Variants in NDUFAF2 observed in about 807,000 individuals in gnomAD.
NDUFAF2 encodes the protein NADH dehydrogenase [ubiquinone] 1 alpha subcomplex assembly factor 2.
Under a neutral mutation model 22.8 loss-of-function variants are expected in NDUFAF2, and 13 were observed. The ratio of observed to expected loss-of-function variants is 0.57; its 90% CI spans 0.37 to 0.91. The LOEUF is 0.91. NDUFAF2 is among the 40% of genes least tolerant of loss of function. The probability of loss-of-function intolerance (pLI) is 0.01; values close to 1 mark genes in which losing one functional copy is unlikely to be tolerated. For synonymous variants in NDUFAF2, 53 were observed against 64.2 expected, an observed-to-expected ratio of 0.83 and a Z score of 0.84; for missense variants, 162 against 195.2, an observed-to-expected ratio of 0.83 and a Z score of 1.01.
intron 3 of NDUFAF2, among the ~76,000 whole-genome samples, chr5:61,142,367 CA>C (rs1741072432): frequency 6.6e-6 from 1 of 151,970 alleles, no homozygotes; most frequent in South Asian, 2.1e-4. Context: ...GGCTCAGGTT[CA>C]AAGAAAGAAA....
intron 3 of NDUFAF2, chr5:61,115,389 C>T (rs2112365): frequency 0.52 from 79,388 of 151,944 alleles, 21,988 homozygotes; most frequent in East Asian, 0.91. Flanking sequence ...CCCAGGAGAC[C>T]GCTTGATGCT....
intron 1 of NDUFAF2, among the ~76,000 whole-genome samples, chr5:61,071,100 G>A (rs1282089105): frequency 1.3e-5 from 2 of 152,094 alleles, no homozygotes; most frequent in Non-Finnish European, 2.9e-5. Context: ...AATGTAAATA[G>A]CATTTTAGTA....
At chr5:61,147,456 T>TTTTTTTTTTTTTTTTTA (rs1579854566) in intron 3 of NDUFAF2, among the ~76,000 whole-genome samples, 2 of 145,186 alleles carry the variant, frequency 1.4e-5, no homozygotes, top group Admixed American at 7.0e-5. Flanking sequence ...TTTTTTTTTG[T>TTTTTTTTTTTTTTTTTA]AGCAACAGGG....
intron 1 of NDUFAF2, among the ~76,000 whole-genome samples, chr5:61,060,662 A>G (rs1580117583): frequency 6.6e-6 from 1 of 152,064 alleles, no homozygotes; most frequent in South Asian, 2.1e-4. Flanking sequence ...GAAGTATGTC[A>G]CCTCACTCAG....
At chr5:61,003,504 G>T (rs904820261) in intron 1 of NDUFAF2, among the ~76,000 whole-genome samples, 2 of 151,842 alleles carry the variant, frequency 1.3e-5, no homozygotes. Flanking sequence ...TATCCTTGGG[G>T]CATCATGATT....
intron 1 of NDUFAF2, among the ~76,000 whole-genome samples, chr5:61,052,108 A>G (rs1580113904): frequency 6.7e-6 from 1 of 148,290 alleles, no homozygotes; most frequent in African/African-American, 2.4e-5. Flanking sequence ...TTATATAATT[A>G]CCCCACTAGA....
intron 1 of NDUFAF2, among the ~76,000 whole-genome samples, chr5:61,023,906 A>G (rs992989266): frequency 2.0e-5 from 3 of 152,166 alleles, no homozygotes; most frequent in African/African-American, 4.8e-5. Flanking sequence ...TTAAAGGTGT[A>G]TGTCCAAGCA....
At chr5:61,004,909 G>A (rs1243888690) in intron 1 of NDUFAF2, among the ~76,000 whole-genome samples, 2 of 151,130 alleles carry the variant, frequency 1.3e-5, no homozygotes, top group Non-Finnish European at 3.0e-5. Context: ...AACAGGGCTT[G>A]TAAATTTATT....
At chr5:61,127,152 C>T (rs1168838547) in intron 3 of NDUFAF2, among the ~76,000 whole-genome samples, 1 of 152,048 alleles carries the variant, frequency 6.6e-6, no homozygotes, top group Non-Finnish European at 1.5e-5. Flanking sequence ...TAATAGCTTA[C>T]CGACCAAAAA....
At chr5:60,984,012 C>T (rs1183996377) in intron 1 of NDUFAF2, among the ~76,000 whole-genome samples, 5 of 151,832 alleles carry the variant, frequency 3.3e-5, no homozygotes, top group South Asian at 2.1e-4. Flanking sequence ...TTTCACGATA[C>T]TGATTCTTCC....
chr5:61,015,743 A>G (rs926557020), intron 1 of NDUFAF2, among the ~76,000 whole-genome samples: 6 of 152,198 alleles, frequency 3.9e-5, no homozygotes, highest in Non-Finnish European at 8.8e-5. Flanking sequence ...CCAAGTTTCT[A>G]TTTAAAAATG....
chr5:61,053,277 TAG>T (rs1464248450), intron 1 of NDUFAF2, among the ~76,000 whole-genome samples: 2 of 152,222 alleles, frequency 1.3e-5, no homozygotes, highest in Non-Finnish European at 1.5e-5. Context: ...CGTAGTTTTT[TAG>T]AGTCTGTTTG....
chr5:60,948,546 T>C (rs1182171857), intron 1 of NDUFAF2, among the ~76,000 whole-genome samples: 1 of 121,968 alleles, frequency 8.2e-6, no homozygotes, highest in African/African-American at 2.7e-5. Flanking sequence ...ACAGCACATA[T>C]TCTGCTTTTT....
intron 3 of NDUFAF2, among the ~76,000 whole-genome samples, chr5:61,137,371 T>A (rs746622771): frequency 1.6e-4 from 25 of 152,252 alleles, no homozygotes; most frequent in Non-Finnish European, 2.2e-4. Flanking sequence ...ACTATACATA[T>A]TCCTGGCCCT....
chr5:61,077,298 A>T (rs957510426), intron 2 of NDUFAF2, among the ~76,000 whole-genome samples: 1 of 152,198 alleles, frequency 6.6e-6, no homozygotes, highest in Non-Finnish European at 1.5e-5. Flanking sequence ...GAGACAATGG[A>T]GACCAAAAAG....
chr5:61,066,554 A>G (rs140784467), intron 1 of NDUFAF2, among the ~76,000 whole-genome samples: 141 of 152,156 alleles, frequency 9.3e-4, no homozygotes, highest in African/African-American at 3.3e-3. Context: ...GGAACAGAAT[A>G]GAGAGCCTAG....
intron 1 of NDUFAF2, among the ~76,000 whole-genome samples, chr5:61,033,772 A>C (rs1199252598): frequency 6.6e-6 from 1 of 152,160 alleles, no homozygotes; most frequent in Non-Finnish European, 1.5e-5. Flanking sequence ...CTGTACTAAG[A>C]TGACTACTTA....
At chr5:61,141,664 A>AAATG (rs70977828) in intron 3 of NDUFAF2, among the ~76,000 whole-genome samples, 3,604 of 151,148 alleles carry the variant, frequency 0.024, 61 homozygotes, top group African/African-American at 0.043. Context: ...AGTATATATT[A>AAATG]AATGAATGAA....
intron 1 of NDUFAF2, 166 bp downstream of exon 1, chr5:60,945,548 A>C (rs1257833992): frequency 8.5e-6 from 9 of 1,057,604 alleles, no homozygotes; most frequent in Non-Finnish European, 1.3e-5. Context: ...TCACTCTGGC[A>C]TCGGAGCCCT....
Sources: gnomAD v4.1 joint callset for allele counts (sites outside exome capture counted in the v4.1 genomes callset) on GRCh38, gnomAD v4.1.1 for gene constraint, MANE v1.5 for transcripts, NCBI Gene and HGNC (gene_info 2026-07-23, HGNC 2026-07-21) for gene names.